GAS7: variants seen among roughly 807,000 people sequenced by gnomAD.
GAS7 encodes growth arrest-specific protein 7.
In GAS7, 28 loss-of-function variants were observed where a neutral mutation model predicts 71.1. The observed-to-expected ratio is 0.39, with a 90% CI of 0.29 to 0.54. The LOEUF is 0.54. Ranked by LOEUF, GAS7 falls within the 20% of genes least tolerant of loss-of-function variation. GAS7 has a pLI of 0.62. For synonymous variants in GAS7, 258 were observed against 245.8 expected (o/e 1.05, Z -0.46); for missense variants, 436 against 627.8 (o/e 0.69, Z 3.27).
rs1362678529 is a variant in GAS7, at chr17:10,103,700, C to G, written c.184-83803G>C. On this transcript the variant is annotated intron_variant, in intron 1 of 13. Transcript: ENST00000432992. This position sits in a 1 kb window ranked among gnomAD's most constrained non-coding sequence, Gnocchi z 5.5. ...AATTAGCTGGGTGTGGTGGCACATG[C>G]CTGTAATCCCGGCTACTAGGGAGGC... Among the ~76,000 whole-genome samples the G allele has an allele frequency of 6.6e-6, 1 of 152,006 alleles. No individual in the cohort carries two copies. Among genetic ancestry groups the G allele is most frequent in the Non-Finnish European group, 1.5e-5 (1 of 67,990 alleles).
intron 1 of GAS7, among the ~76,000 whole-genome samples, chr17:10,085,352 C>T (rs139623976): frequency 3.2e-3 from 482 of 152,264 alleles, no homozygotes; most frequent in Non-Finnish European, 4.5e-3. Flanking sequence ...GATTTCCCCA[C>T]CTCCATCCCC....
chr17:10,064,196 G>A (rs12943383), intron 1 of GAS7, among the ~76,000 whole-genome samples: 37,618 of 151,990 alleles, frequency 0.25, 5,038 homozygotes, highest in Middle Eastern at 0.35. Context: ...TTCATTTCCC[G>A]GGCTCCACGA....
In GAS7 at chr17:9,985,844, T is replaced by C. The variant is rs374271473; in HGVS notation, c.305-3960A>G. 2.0e-5 allele frequency among the ~76,000 whole-genome samples: 3 copies of C among 152,320 alleles called. No homozygotes were observed. In the South Asian group the frequency reaches 6.2e-4, roughly 32 times the overall value. On this transcript the variant is annotated intron_variant, in intron 2 of 13. Coordinates refer to ENST00000432992, the MANE Select transcript of GAS7 (RefSeq NM_201433.2). The stretch of plus-strand genomic sequence containing the variant: ...AGCTCCCCACGGCGCTGCCGAGGCC[T>C]CCTTGGTGGCCGCATTGCAATGCTG...
intron 1 of GAS7, among the ~76,000 whole-genome samples, chr17:10,190,485 C>T (rs978481062): frequency 2.7e-5 from 4 of 150,690 alleles, no homozygotes; most frequent in African/African-American, 7.3e-5. Flanking sequence ...GAGGCTGAGG[C>T]AGGAGAATCG....
chr17:10,028,944 G>T (rs767827788), intron 1 of GAS7, among the ~76,000 whole-genome samples: 1 of 152,176 alleles, frequency 6.6e-6, no homozygotes, highest in Non-Finnish European at 1.5e-5. Context: ...CTGAAGAGGA[G>T]ACCAGCAGAA....
At chr17:9,999,571 G>A (rs987672637) in intron 2 of GAS7, among the ~76,000 whole-genome samples, 1 of 152,022 alleles carries the variant, frequency 6.6e-6, no homozygotes, top group African/African-American at 2.4e-5. Context: ...CACAGGACTT[G>A]GGGGAAATAG....
intron 1 of GAS7, among the ~76,000 whole-genome samples, chr17:10,046,395 G>GAA (rs199532580): frequency 5.8e-5 from 8 of 137,154 alleles, no homozygotes; most frequent in African/African-American, 1.3e-4. Context: ...AGAATCGGAG[G>GAA]AAAAAAAAAA....
At chr17:10,013,884 C>T (rs764032224) in intron 2 of GAS7, among the ~76,000 whole-genome samples, 1 of 152,162 alleles carries the variant, frequency 6.6e-6, no homozygotes, top group African/African-American at 2.4e-5. Flanking sequence ...TGCTGCAAGG[C>T]CCCGGGTGAT....
At chr17:10,047,896 T>A (rs1035319270) in intron 1 of GAS7, among the ~76,000 whole-genome samples, 1 of 152,186 alleles carries the variant, frequency 6.6e-6, no homozygotes, top group Admixed American at 6.5e-5. Context: ...AACATATATG[T>A]TTAAAAATAT....
At chr17:9,978,939 A>G (rs1040095051) in intron 3 of GAS7, among the ~76,000 whole-genome samples, 2 of 152,042 alleles carry the variant, frequency 1.3e-5, no homozygotes, top group Admixed American at 6.6e-5. Context: ...TGTTGTGAAG[A>G]CTTGCCTGTG....
At chr17:10,017,778 G>C (rs757740621) in intron 2 of GAS7, among the ~76,000 whole-genome samples, 1 of 152,320 alleles carries the variant, frequency 6.6e-6, no homozygotes, top group Middle Eastern at 3.4e-3. Flanking sequence ...CTGAGTGGCT[G>C]GGATGGAGAC....
At chr17:9,958,918 C>T (rs149816152) in intron 5 of GAS7, 36 of 1,321,982 alleles carry the variant, frequency 2.7e-5, no homozygotes, top group East Asian at 1.5e-4. Flanking sequence ...CACTCCCGCA[C>T]GCATACCTTC....
intron 1 of GAS7, among the ~76,000 whole-genome samples, chr17:10,178,603 C>G (rs2074390417): frequency 6.7e-6 from 1 of 150,168 alleles, no homozygotes; most frequent in Non-Finnish European, 1.5e-5. Flanking sequence ...TCTCCCAGCA[C>G]ACATTCTAAT....
intron 1 of GAS7, among the ~76,000 whole-genome samples, chr17:10,167,569 G>A (rs763859881): frequency 2.0e-5 from 3 of 152,198 alleles, no homozygotes; most frequent in Admixed American, 6.5e-5. Flanking sequence ...AGAGGGCATT[G>A]GCCCTATAAC....
chr17:10,083,399 C>T (rs963166506), intron 1 of GAS7, among the ~76,000 whole-genome samples: 4 of 151,992 alleles, frequency 2.6e-5, no homozygotes, highest in African/African-American at 4.8e-5. Flanking sequence ...TGGTGGTGCA[C>T]GCCTGTAATC....
intron 1 of GAS7, among the ~76,000 whole-genome samples, chr17:10,098,771 A>G (rs2073669206): frequency 6.6e-6 from 1 of 152,296 alleles, no homozygotes; most frequent in African/African-American, 2.4e-5. Context: ...CATCCTGGCT[A>G]ACACGGTGAA....
intron 1 of GAS7, among the ~76,000 whole-genome samples, chr17:10,179,889 T>C (rs1450065206): frequency 4.6e-5 from 7 of 152,088 alleles, no homozygotes; most frequent in African/African-American, 1.4e-4. Flanking sequence ...ATGACCAGCA[T>C]TCTGAGCAAT....
chr17:10,118,814 C>T (rs1286574147), intron 1 of GAS7, among the ~76,000 whole-genome samples: 1 of 151,980 alleles, frequency 6.6e-6, no homozygotes, highest in African/African-American at 2.4e-5. Context: ...CAAGCAGGCC[C>T]AGCGCAGGTG....
chr17:9,918,190 T>C (rs2067661214), intron 12 of GAS7, 91 bp from the exon 13 acceptor site: 2 of 832,734 alleles, frequency 2.4e-6, no homozygotes, highest in Admixed American at 2.1e-5. Flanking sequence ...AGTCACTGGC[T>C]GTGGACATTC....
Sources: allele counts gnomAD v4.1 joint callset (sites outside exome capture counted in the v4.1 genomes callset), GRCh38; gene constraint gnomAD v4.1.1; non-coding constraint Gnocchi (gnomAD v3.1); transcripts MANE v1.5; gene names NCBI Gene and HGNC (gene_info 2026-07-23, HGNC 2026-07-21).